DIP2C: variants seen among roughly 807,000 people sequenced by gnomAD.
The protein encoded by DIP2C is disco-interacting protein 2 homolog C.
In DIP2C, 33 loss-of-function variants were observed where a neutral mutation model predicts 192.4. The observed-to-expected ratio is 0.17, with a 90% CI of 0.13 to 0.23. The LOEUF (loss-of-function observed/expected upper bound fraction) is 0.23, where lower values mean the gene tolerates loss of function less well. DIP2C is among the 10% of genes least tolerant of loss of function. DIP2C has a pLI of 1.00. For synonymous variants in DIP2C, 979 were observed against 864.1 expected, an observed-to-expected ratio of 1.13 and a Z score of -2.33; for missense variants, 1,537 against 2,110.1, an observed-to-expected ratio of 0.73 and a Z score of 5.32.
intron 3 of DIP2C, among the ~76,000 whole-genome samples, chr10:461,195 TAAC>T (rs2133379922): frequency 1.3e-5 from 2 of 152,302 alleles, no homozygotes; most frequent in East Asian, 3.9e-4. Context: ...AATTCACACA[TAAC>T]AATATTAACC....
At chr10:343,795 G>A (rs1391464885) in intron 28 of DIP2C, among the ~76,000 whole-genome samples, 1 of 152,200 alleles carries the variant, frequency 6.6e-6, no homozygotes, top group Non-Finnish European at 1.5e-5. Flanking sequence ...CAGTTCTTCA[G>A]CTTAGCAAAT....
intron 9 of DIP2C, among the ~76,000 whole-genome samples, chr10:399,578 GACAGC>G (rs1396595406): frequency 6.6e-6 from 1 of 152,164 alleles, no homozygotes. Context: ...ACTGTCCTGG[GACAGC>G]ATGTGCAGGA....
chr10:601,127 G>A (rs1564252630), intron 1 of DIP2C, among the ~76,000 whole-genome samples: 2 of 152,172 alleles, frequency 1.3e-5, no homozygotes, highest in Admixed American at 6.5e-5. Context: ...AAAACCAAAA[G>A]GCAGAATTTG....
chr10:626,565 T>C (rs1026936418), intron 1 of DIP2C, among the ~76,000 whole-genome samples: 1 of 151,928 alleles, frequency 6.6e-6, no homozygotes, highest in Non-Finnish European at 1.5e-5. Context: ...CTCATTTTCC[T>C]GTTCACCGAG....
At chr10:377,072 T>C (rs566144374) in intron 17 of DIP2C, among the ~76,000 whole-genome samples, 2 of 152,232 alleles carry the variant, frequency 1.3e-5, no homozygotes, top group East Asian at 1.9e-4. Context: ...AAACAGCCCA[T>C]TTTACAAGCT....
intron 32 of DIP2C, among the ~76,000 whole-genome samples, chr10:304,930 A>AT (rs1956238294): frequency 6.6e-6 from 1 of 152,210 alleles, no homozygotes; most frequent in South Asian, 2.1e-4. Flanking sequence ...TATCTGCTAC[A>AT]TATTTGTATG....
At chr10:543,987 T>A (rs1338485002) in intron 1 of DIP2C, among the ~76,000 whole-genome samples, 3 of 152,088 alleles carry the variant, frequency 2.0e-5, no homozygotes, top group Admixed American at 6.5e-5. Flanking sequence ...TGGACGCCTG[T>A]CGTGAGTGGG....
intron 1 of DIP2C, among the ~76,000 whole-genome samples, chr10:681,790 T>A (rs1831143830): frequency 6.6e-6 from 1 of 152,256 alleles, no homozygotes; most frequent in African/African-American, 2.4e-5. Flanking sequence ...GAGCTCAGCA[T>A]CCAGAAGGGA....
chr10:643,172 C>T (rs1249932119), intron 1 of DIP2C, among the ~76,000 whole-genome samples: 1 of 146,020 alleles, frequency 6.8e-6, no homozygotes, highest in Non-Finnish European at 1.5e-5. Context: ...GACCCAAGAT[C>T]GCGCCACTGC....
intron 2 of DIP2C, 30 bp from the exon 3 acceptor site, chr10:472,579 G>A (rs374882472): frequency 4.4e-6 from 7 of 1,580,106 alleles, no homozygotes; most frequent in Middle Eastern, 1.7e-4. Context: ...GCAGAGTGAG[G>A]TGTGACTGTA....
chr10:395,045 G>A (rs1157747228), intron 10 of DIP2C, among the ~76,000 whole-genome samples: 1 of 148,666 alleles, frequency 6.7e-6, no homozygotes, highest in African/African-American at 2.5e-5. Flanking sequence ...GGCTACATGA[G>A]CTCATTTACA....
chr10:482,691 T>C (rs758970716), intron 2 of DIP2C, among the ~76,000 whole-genome samples: 6 of 152,224 alleles, frequency 3.9e-5, no homozygotes, highest in African/African-American at 1.4e-4. Flanking sequence ...CCACCATTTA[T>C]AGCCACACTG....
intron 1 of DIP2C, among the ~76,000 whole-genome samples, chr10:569,167 AAAG>A (rs758699721): frequency 6.6e-6 from 1 of 152,216 alleles, no homozygotes. Flanking sequence ...AACAAAAGAA[AAAG>A]AATATGCAGA....
At chr10:581,856 C>A (rs987458812) in intron 1 of DIP2C, among the ~76,000 whole-genome samples, 1 of 152,186 alleles carries the variant, frequency 6.6e-6, no homozygotes, top group African/African-American at 2.4e-5. Flanking sequence ...CTACTGACAT[C>A]TTAGCACATG....
chr10:358,206 T>C (rs113511644), intron 22 of DIP2C, among the ~76,000 whole-genome samples: 8 of 152,168 alleles, frequency 5.3e-5, no homozygotes, highest in Non-Finnish European at 7.4e-5. Context: ...TTCCAGTTAA[T>C]GTGAGAGCCC....
intron 1 of DIP2C, among the ~76,000 whole-genome samples, chr10:533,869 G>A (rs1417390342): frequency 2.0e-5 from 3 of 152,156 alleles, no homozygotes; most frequent in South Asian, 2.1e-4. Flanking sequence ...TTTCTAAATG[G>A]GCTGAGAACT....
At position 523,642 on chromosome 10, in the gene DIP2C, C is replaced by T. The variant is rs575546481; in HGVS notation, c.86-37112G>A. On this transcript the variant is annotated intron_variant, in intron 1 of 36. Coordinates refer to ENST00000280886, the MANE Select transcript of DIP2C (RefSeq NM_014974.3). ...AGGGACTCTGTGTGACCCGCACACT[C>T]GTTTCTACCGGATGCAAAGGACCCT... Among the ~76,000 whole-genome samples, 102 of 148,596 alleles carry T rather than the reference C, an allele frequency of 6.9e-4. 1 individual carries two copies. Among genetic ancestry groups the T allele is most frequent in the African/African-American group, 2.5e-3 (99 of 40,188 alleles).
intron 1 of DIP2C, among the ~76,000 whole-genome samples, chr10:602,794 C>T (rs1215579505): frequency 6.6e-6 from 1 of 152,196 alleles, no homozygotes; most frequent in Non-Finnish European, 1.5e-5. Flanking sequence ...GAATTCTACC[C>T]AGAACCAGGG....
At chr10:337,049 G>GTGT (rs1957829438) in intron 29 of DIP2C, among the ~76,000 whole-genome samples, 3 of 37,964 alleles carry the variant, frequency 7.9e-5, no homozygotes, top group African/African-American at 2.5e-4. Flanking sequence ...GGCCTAGACT[G>GTGT]GTGTGTGTGT....
Sources: allele counts gnomAD v4.1 joint callset (sites outside exome capture counted in the v4.1 genomes callset), GRCh38; gene constraint gnomAD v4.1.1; transcripts MANE v1.5; gene names NCBI Gene and HGNC (gene_info 2026-07-23, HGNC 2026-07-21).